Variants in FZD3 observed in about 807,000 individuals in gnomAD.
FZD3 encodes frizzled class receptor 3.
Under a neutral mutation model 60.7 loss-of-function variants are expected in FZD3, and 30 were observed. The ratio of observed to expected loss-of-function variants is 0.49; its 90% confidence interval spans 0.37 to 0.67. The LOEUF is 0.67. Ranked by LOEUF, FZD3 falls within the 30% of genes least tolerant of loss-of-function variation. The probability of loss-of-function intolerance (pLI) is 0.00; values close to 1 mark genes in which losing one functional copy is unlikely to be tolerated. For missense variants in FZD3, 605 were observed against 838.7 expected, an observed-to-expected ratio of 0.72 and a Z score of 3.44; for synonymous variants, 246 against 275.2, an observed-to-expected ratio of 0.89 and a Z score of 1.05.
At chr8:28,543,903 A>G (rs967776146) in intron 5 of FZD3, among the ~76,000 whole-genome samples, 1 of 152,140 alleles carries the variant, frequency 6.6e-6, no homozygotes, top group Admixed American at 6.5e-5. Flanking sequence ...TACCTATTCC[A>G]ACTCCTTAAT....
rs1805851492 is a variant in FZD3, at chr8:28,574,012, A to G, written c.*11001A>G. 6.6e-6 allele frequency: 1 copy of G among 152,148 alleles called. No individual in the cohort carries two copies. The allele number at this position is 152,148 out of a possible 1,614,324, so 9.4% of individuals were successfully genotyped here. A position where few individuals can be genotyped will look rare whatever the true frequency, so the allele number is the denominator to read the frequency against. ...ATTGTTCACTTCCAAATGAGTGGAAAAGTTGCTGTTGTTGGGATGTACAGG... is the reference window on the plus strand; with the variant it reads ...ATTGTTCACTTCCAAATGAGTGGAAGAGTTGCTGTTGTTGGGATGTACAGG... On this transcript the variant is annotated 3_prime_UTR_variant, in exon 8 of 8. Coordinates refer to ENST00000240093, the MANE Select transcript of FZD3 (RefSeq NM_017412.4).
chr8:28,508,448 A>T (rs1195731985), intron 3 of FZD3, among the ~76,000 whole-genome samples: 5 of 124,364 alleles, frequency 4.0e-5, no homozygotes, highest in Non-Finnish European at 6.8e-5. Context: ...TTTTTTTTTA[A>T]GGGAAAGTCC....
Position 28,562,853 on chromosome 8 carries a change from T to TC in FZD3, c.1844dup (p.Arg616ThrfsTer9). On this transcript the variant is annotated frameshift_variant, in exon 8 of 8. Transcript: ENST00000240093. LOFTEE classifies it high-confidence loss of function. ...GGAGAGACTACCTCATGGCAGCATG[T>TC]CACGACTAACAGATCACTCCAGGCA... is the stretch of plus-strand genomic sequence containing the variant. 10 of 1,613,736 alleles carry TC rather than the reference T, an allele frequency of 6.2e-6. No homozygotes were observed. Among genetic ancestry groups the TC allele is most frequent in the Non-Finnish European group, 6.8e-6 (8 of 1,179,762 alleles).
At position 28,565,976 on chromosome 8, in the gene FZD3, CT is replaced by C. The variant is rs1554541374; in HGVS notation, c.*2972del. 6.6e-6 allele frequency: 1 copy of C among 151,816 alleles called. No individual in the cohort carries two copies. The highest frequency in any genetic ancestry group is 1.5e-5 in the Non-Finnish European group (1 of 67,880). The allele number at this position is 151,816 out of a possible 1,614,324, so 9.4% of individuals were successfully genotyped here. A position where few individuals can be genotyped will look rare whatever the true frequency, so the allele number is the denominator to read the frequency against. ...TCAAAAAGTACTTTGATTTCAGCAA[CT>C]TTTTTTATTCAATAACTAGACAAAA... On this transcript the variant is annotated 3_prime_UTR_variant, in exon 8 of 8. Coordinates refer to ENST00000240093, the MANE Select transcript of FZD3 (RefSeq NM_017412.4).
At chr8:28,508,481 T>TG (rs1437414644) in intron 3 of FZD3, among the ~76,000 whole-genome samples, 9 of 150,696 alleles carry the variant, frequency 6.0e-5, no homozygotes, top group Admixed American at 4.0e-4. Context: ...TACTGATACT[T>TG]GCGATTCAAG....
chr8:28,495,682 A>G (rs1322056120), intron 1 of FZD3, among the ~76,000 whole-genome samples: 1 of 152,148 alleles, frequency 6.6e-6, no homozygotes. Context: ...AAACAAATCA[A>G]TACTATCTTT....
rs796295702 is a variant in FZD3 at position 28,563,311 on chromosome 8, C to T, written c.*300C>T. ...CACTCATTTTATATTTAGAAAAATC[C>T]TAAATGTGTGGTGACTGCTTTGTAG... On this transcript the variant is annotated 3_prime_UTR_variant, in exon 8 of 8. Coordinates refer to ENST00000240093, the MANE Select transcript of FZD3 (RefSeq NM_017412.4). 4.4e-5 allele frequency: 15 copies of T among 343,340 alleles called. No individual in the cohort carries two copies. Among genetic ancestry groups the T allele is most frequent in the African/African-American group, 2.7e-4 (13 of 47,476 alleles). 21.3% of individuals were successfully genotyped at this position (343,340 alleles called of 1,614,324 possible). A position where few individuals can be genotyped will look rare whatever the true frequency, so the allele number is the denominator to read the frequency against.
intron 3 of FZD3, among the ~76,000 whole-genome samples, chr8:28,510,727 G>C (rs1804263265): frequency 6.6e-6 from 1 of 152,176 alleles, no homozygotes. Flanking sequence ...AACGAGATAT[G>C]TGAAAATTGT....
At chr8:28,517,506 G>C (rs1479507961) in intron 3 of FZD3, among the ~76,000 whole-genome samples, 1 of 152,138 alleles carries the variant, frequency 6.6e-6, no homozygotes, top group African/African-American at 2.4e-5. Flanking sequence ...CATCATCTTT[G>C]TGTATATTGC....
chr8:28,517,783 T>G (rs909611243), intron 3 of FZD3, among the ~76,000 whole-genome samples: 1 of 152,188 alleles, frequency 6.6e-6, no homozygotes, highest in African/African-American at 2.4e-5. Context: ...TGATGAATTT[T>G]TAATCTTTTA....
rs551303413 is a variant in FZD3 at position 28,558,665 on chromosome 8, C to T, written c.1787+2694C>T. ...CAAGCTGGTCTCGAACTCCTGGCGT[C>T]AAGTGATCTGCCCATCTCAGCCTCC... On this transcript the variant is annotated intron_variant, in intron 7 of 7. Coordinates refer to ENST00000240093, the MANE Select transcript of FZD3 (RefSeq NM_017412.4). Among the ~76,000 whole-genome samples the T allele has an allele frequency of 7.2e-5, 11 of 152,270 alleles. No homozygotes were observed. In the East Asian group the frequency reaches 2.1e-3, roughly 29 times the overall value.
intron 6 of FZD3, among the ~76,000 whole-genome samples, chr8:28,553,299 C>T (rs761118308): frequency 6.6e-6 from 1 of 152,186 alleles, no homozygotes; most frequent in Non-Finnish European, 1.5e-5. Flanking sequence ...TTACTATGTG[C>T]CACCAACTAC....
chr8:28,557,628 G>T (rs1356393540), intron 7 of FZD3, among the ~76,000 whole-genome samples: 1 of 152,084 alleles, frequency 6.6e-6, no homozygotes, highest in Non-Finnish European at 1.5e-5. Flanking sequence ...TTTTTGAAAT[G>T]ACTATTTTGA....
At chr8:28,556,111 T>G in intron 7 of FZD3, 140 bp downstream of exon 7, 2 of 634,924 alleles carry the variant, frequency 3.1e-6, no homozygotes, top group African/African-American at 1.8e-5. Context: ...TGTCCCAGAC[T>G]ATGGTCAGAC....
intron 7 of FZD3, among the ~76,000 whole-genome samples, chr8:28,560,127 A>G (rs1442278886): frequency 6.6e-6 from 1 of 152,194 alleles, no homozygotes. Flanking sequence ...AACTACAGTT[A>G]ATTCAGTTAT....
In FZD3 at chr8:28,571,695, G is replaced by A. The variant is rs367889875; in HGVS notation, c.*8684G>A. On this transcript the variant is annotated 3_prime_UTR_variant, in exon 8 of 8. Coordinates refer to ENST00000240093, the MANE Select transcript of FZD3 (RefSeq NM_017412.4). ...TATTTTTGTGTTTTATTTTCTCATT[G>A]AAGTGTAAAAGTATCACATATATGA... The A allele has an allele frequency of 6.6e-6, 1 of 151,796 alleles. No homozygotes were observed. The highest frequency in any genetic ancestry group is 2.4e-5 in the African/African-American group (1 of 41,310). The allele number at this position is 151,796 out of a possible 1,614,324, so 9.4% of individuals were successfully genotyped here.
intron 4 of FZD3, among the ~76,000 whole-genome samples, chr8:28,524,520 G>A (rs946847254): frequency 2.0e-5 from 3 of 152,070 alleles, no homozygotes; most frequent in African/African-American, 7.2e-5. Flanking sequence ...ACCTCAGCCT[G>A]TCCTTTCCTG....
At chr8:28,521,587 T>C (rs1804580826) in intron 4 of FZD3, among the ~76,000 whole-genome samples, 1 of 152,192 alleles carries the variant, frequency 6.6e-6, no homozygotes, top group African/African-American at 2.4e-5. Flanking sequence ...TTGTTATCCC[T>C]CTTGAGCTTA....
In FZD3 at chr8:28,527,705, T is replaced by C; in HGVS notation, c.945T>C (p.Ala315=). ...TTACCATCACATGGTTTTTAGCAGC[T>C]GTGCCAAAGTGGGGTAGTGAAGCTA... ...VILTITWFLA[A]VPKWGSEAIE... Residue 315 remains alanine, a synonymous_variant, in exon 5 of 8, where the codon GCT becomes GCC. Transcript: ENST00000240093. The surrounding 1 kb of genome is among the most constrained non-coding windows in gnomAD (Gnocchi z 5.0). 1 of 1,614,122 alleles carries C rather than the reference T, an allele frequency of 6.2e-7. No individual in the cohort carries two copies. Among genetic ancestry groups the C allele is most frequent in the Non-Finnish European group, 8.5e-7 (1 of 1,179,962 alleles).
Sources: allele counts gnomAD v4.1 joint callset (sites outside exome capture counted in the v4.1 genomes callset), GRCh38; gene constraint gnomAD v4.1.1; non-coding constraint Gnocchi (gnomAD v3.1); transcripts MANE v1.5; gene names NCBI Gene and HGNC (gene_info 2026-07-23, HGNC 2026-07-21).